Variants in VTI1A observed in about 807,000 individuals in gnomAD.
VTI1A encodes the protein vesicle transport through interaction with t-SNAREs homolog 1A.
In VTI1A, 22 loss-of-function variants were observed where a neutral mutation model predicts 34.9. The observed-to-expected ratio is 0.63, with a 90% confidence interval of 0.45 to 0.90. VTI1A has a LOEUF of 0.90. Ranked by LOEUF, VTI1A falls within the 40% of genes least tolerant of loss-of-function variation. The pLI is 0.00. For missense variants in VTI1A, 268 were observed against 275.6 expected (o/e 0.97, Z 0.20); for synonymous variants, 87 against 97.3 (o/e 0.89, Z 0.62).
intron 7 of VTI1A, among the ~76,000 whole-genome samples, chr10:112,798,374 G>A (rs1218509020): frequency 1.3e-5 from 2 of 152,136 alleles, no homozygotes; most frequent in African/African-American, 4.8e-5. Context: ...TTGGTACTTA[G>A]GGGCCATCGT....
intron 5 of VTI1A, among the ~76,000 whole-genome samples, chr10:112,593,237 G>A (rs1004605510): frequency 1.3e-4 from 20 of 152,208 alleles, no homozygotes; most frequent in Admixed American, 1.2e-3. Context: ...ATGCCAGGCC[G>A]ATTGAGTCAG....
chr10:112,467,922 T>C (rs1328545324), intron 3 of VTI1A, among the ~76,000 whole-genome samples: 2 of 152,226 alleles, frequency 1.3e-5, no homozygotes, highest in African/African-American at 4.8e-5. Context: ...CTACTTGTCA[T>C]ATAGTTTAAA....
rs553966456 is a variant in VTI1A, at chr10:112,509,944, C to T, written c.265-17143C>T. Among the ~76,000 whole-genome samples, 23 of 152,294 alleles carry T rather than the reference C, an allele frequency of 1.5e-4. No individual in the cohort carries two copies. In the South Asian group the frequency reaches 4.4e-3, roughly 29 times the overall value. On this transcript the variant is annotated intron_variant, in intron 3 of 7. Coordinates refer to ENST00000393077, the MANE Select transcript of VTI1A (RefSeq NM_145206.4). ...AGATGCTGTGAGGGAGCAAGGCACC[C>T]TAAAGGACCTCTCAAGGTCCCTTCT...
intron 7 of VTI1A, among the ~76,000 whole-genome samples, chr10:112,677,172 A>G (rs1175431387): frequency 6.6e-6 from 1 of 152,188 alleles, no homozygotes; most frequent in African/African-American, 2.4e-5. Context: ...GTCCCCTCAG[A>G]AGAATCCGAG....
At chr10:112,635,789 A>G (rs1846331341) in intron 5 of VTI1A, among the ~76,000 whole-genome samples, 1 of 152,226 alleles carries the variant, frequency 6.6e-6, no homozygotes, top group African/African-American at 2.4e-5. Context: ...GTGAGTCCCA[A>G]GAGACCCACT....
At chr10:112,659,920 G>A (rs1009396462) in intron 5 of VTI1A, among the ~76,000 whole-genome samples, 5 of 151,236 alleles carry the variant, frequency 3.3e-5, no homozygotes, top group African/African-American at 1.2e-4. Context: ...GCAGTCTAAT[G>A]TTGGGGACTT....
chr10:112,568,413 A>G (rs951285516), intron 5 of VTI1A, among the ~76,000 whole-genome samples: 7 of 152,138 alleles, frequency 4.6e-5, no homozygotes, highest in Non-Finnish European at 1.0e-4. Context: ...AGGCTGAGGC[A>G]GGAGAATCTC....
At chr10:112,792,660 G>A (rs931726932) in intron 7 of VTI1A, among the ~76,000 whole-genome samples, 1 of 152,162 alleles carries the variant, frequency 6.6e-6, no homozygotes, top group Non-Finnish European at 1.5e-5. Context: ...TCAAGATACG[G>A]CAATGATACT....
chr10:112,481,745 T>C (rs1429065301), intron 3 of VTI1A, among the ~76,000 whole-genome samples: 1 of 152,244 alleles, frequency 6.6e-6, no homozygotes, highest in African/African-American at 2.4e-5. Context: ...AGCATCTTCA[T>C]TGATCTTAGC....
chr10:112,701,955 C>T (rs148574346), intron 7 of VTI1A, among the ~76,000 whole-genome samples: 157 of 152,228 alleles, frequency 1.0e-3, no homozygotes, highest in African/African-American at 3.7e-3. Flanking sequence ...CATTCATAAA[C>T]TTAATTTCTA....
chr10:112,618,506 T>TAGAGAGAG (rs1452998530), intron 5 of VTI1A, among the ~76,000 whole-genome samples: 7 of 33,606 alleles, frequency 2.1e-4, no homozygotes, highest in African/African-American at 3.8e-4. Context: ...TATATATATA[T>TAGAGAGAG]ATATATATAT....
rs1410696289 is a variant in VTI1A at position 112,719,877 on chromosome 10, G to T, written c.560+50879G>T. On this transcript the variant is annotated intron_variant, in intron 7 of 7. Coordinates refer to ENST00000393077, the MANE Select transcript of VTI1A (RefSeq NM_145206.4). ...TAGAACATTTTTATCACCGCAAAAA[G>T]AAATCTGGTATCCATTAATAGTCAC... 2.0e-5 allele frequency among the ~76,000 whole-genome samples: 3 copies of T among 152,102 alleles called. No individual in the cohort carries two copies. In the East Asian group the frequency reaches 5.8e-4, roughly 29 times the overall value.
At chr10:112,821,416 CG>C (rs746230087), downstream of VTI1A, among the ~76,000 whole-genome samples, 10 of 152,202 alleles carry the variant, frequency 6.6e-5, no homozygotes, top group Non-Finnish European at 1.3e-4. Flanking sequence ...AGTGCCACTT[CG>C]TTACCGCAAC....
At chr10:112,713,549 C>T (rs996516188) in intron 7 of VTI1A, among the ~76,000 whole-genome samples, 9 of 152,308 alleles carry the variant, frequency 5.9e-5, no homozygotes, top group Non-Finnish European at 1.3e-4. Context: ...TCTCAAGTCT[C>T]AGAGCCAGGA....
At chr10:112,614,972 A>G (rs1002454138) in intron 5 of VTI1A, among the ~76,000 whole-genome samples, 4 of 152,140 alleles carry the variant, frequency 2.6e-5, no homozygotes, top group African/African-American at 9.7e-5. Context: ...AATCATATTG[A>G]TGGATCAATC....
intron 3 of VTI1A, among the ~76,000 whole-genome samples, chr10:112,494,204 C>T (rs1848933308): frequency 6.6e-6 from 1 of 152,038 alleles, no homozygotes; most frequent in African/African-American, 2.4e-5. Flanking sequence ...TGCCCTTCAT[C>T]TAAGTTCTCT....
At chr10:112,597,228 T>G (rs1377359723) in intron 5 of VTI1A, among the ~76,000 whole-genome samples, 1 of 152,130 alleles carries the variant, frequency 6.6e-6, no homozygotes, top group Non-Finnish European at 1.5e-5. Context: ...TGTTTGTTTG[T>G]TTTTTTGAGA....
chr10:112,486,189 G>A (rs1848620344), intron 3 of VTI1A, among the ~76,000 whole-genome samples: 4 of 152,076 alleles, frequency 2.6e-5, no homozygotes, highest in Admixed American at 2.0e-4. Flanking sequence ...GGTTTATGGA[G>A]GCTTATATGT....
At chr10:112,548,776 C>T (rs751895567) in intron 5 of VTI1A, 4 of 1,485,862 alleles carry the variant, frequency 2.7e-6, no homozygotes, top group East Asian at 4.9e-5. Context: ...GCTCTCGACA[C>T]ACATGGGCTT....
Sources: allele counts gnomAD v4.1 joint callset (sites outside exome capture counted in the v4.1 genomes callset), GRCh38; gene constraint gnomAD v4.1.1; transcripts MANE v1.5; gene names NCBI Gene and HGNC (gene_info 2026-07-23, HGNC 2026-07-21).